Variants in SULF2 observed in about 807,000 individuals in gnomAD.
SULF2 encodes the protein extracellular sulfatase Sulf-2.
SULF2 carries 52 observed loss-of-function variants against 107.7 expected under a neutral mutation model. The ratio of observed to expected loss-of-function variants is 0.48; its 90% CI spans 0.39 to 0.61. The LOEUF is 0.61. Among genes scored for constraint, SULF2 ranks in the 20% least tolerant of loss-of-function variants. SULF2 has a pLI of 0.00. For synonymous variants in SULF2, 460 were observed against 464.3 expected (o/e 0.99, Z 0.12); for missense variants, 993 against 1,177.3 (o/e 0.84, Z 2.29).
intron 17 of SULF2, 116 bp from the exon 18 acceptor site, chr20:47,662,012 G>T: frequency 8.7e-7 from 1 of 1,145,184 alleles, no homozygotes; most frequent in Non-Finnish European, 1.1e-6. Context: ...GCTAGGGGCT[G>T]GTGACCTGTT....
chr20:47,663,959 G>A (rs1307741953), intron 15 of SULF2, among the ~76,000 whole-genome samples, 171 bp downstream of exon 15: 2 of 152,174 alleles, frequency 1.3e-5, no homozygotes, highest in Non-Finnish European at 2.9e-5. Flanking sequence ...AGGGGGCGTC[G>A]GAGGCCCGCT....
intron 3 of SULF2, among the ~76,000 whole-genome samples, chr20:47,725,827 CCGG>C (rs2089426875): frequency 6.6e-6 from 1 of 152,218 alleles, no homozygotes. Context: ...AGCCCCGCTC[CCGG>C]CCTCGGTGTA....
intron 1 of SULF2, among the ~76,000 whole-genome samples, chr20:47,763,607 A>G (rs1431547729): frequency 6.6e-6 from 1 of 152,182 alleles, no homozygotes; most frequent in African/African-American, 2.4e-5. Flanking sequence ...GTGTGCAGAT[A>G]CGTCCCACGG....
chr20:47,771,248 C>T (rs1203982603), intron 1 of SULF2, among the ~76,000 whole-genome samples: 1 of 152,124 alleles, frequency 6.6e-6, no homozygotes, highest in Non-Finnish European at 1.5e-5. Context: ...TCTTCCTTCT[C>T]ACATGACCCA....
At chr20:47,763,830 A>G (rs2090469090) in intron 1 of SULF2, among the ~76,000 whole-genome samples, 2 of 152,206 alleles carry the variant, frequency 1.3e-5, no homozygotes, top group African/African-American at 4.8e-5. Context: ...TCAAGCAGCC[A>G]GACAGATCCT....
chr20:47,745,397 AAAAAAAAAAAAAAATAT>A (rs1226657178), intron 2 of SULF2, among the ~76,000 whole-genome samples: 27 of 33,808 alleles, frequency 8.0e-4, no homozygotes, highest in Non-Finnish European at 1.1e-3. Context: ...AAAAAAAAAA[AAAAAAAAAAAAAAATAT>A]ATATATATAT....
intron 7 of SULF2, among the ~76,000 whole-genome samples, chr20:47,679,755 A>G (rs1474944288): frequency 1.3e-5 from 2 of 152,122 alleles, no homozygotes; most frequent in Non-Finnish European, 2.9e-5. Flanking sequence ...TGACCCTCAG[A>G]CACTGTGAGT....
At chr20:47,768,049 C>T (rs1016565800) in intron 1 of SULF2, among the ~76,000 whole-genome samples, 9 of 152,228 alleles carry the variant, frequency 5.9e-5, no homozygotes, top group African/African-American at 1.9e-4. Flanking sequence ...CCACCCCTTG[C>T]CTCAGTGACG....
chr20:47,715,884 C>T (rs764480332), intron 3 of SULF2, among the ~76,000 whole-genome samples: 10 of 152,270 alleles, frequency 6.6e-5, no homozygotes, highest in Middle Eastern at 3.4e-3. Context: ...TGGCTGAGAA[C>T]GTAGATTTGT....
chr20:47,721,150 A>G (rs1192957792), intron 3 of SULF2, among the ~76,000 whole-genome samples: 1 of 152,176 alleles, frequency 6.6e-6, no homozygotes, highest in African/African-American at 2.4e-5. Flanking sequence ...GCTTTTGAAA[A>G]AAAAAATACC....
At chr20:47,705,582 T>C (rs2088706439) in intron 3 of SULF2, among the ~76,000 whole-genome samples, 1 of 152,206 alleles carries the variant, frequency 6.6e-6, no homozygotes, top group Non-Finnish European at 1.5e-5. Flanking sequence ...GCAGTGGCTC[T>C]TGGCCAGAAA....
chr20:47,707,630 C>G (rs1444923843), intron 3 of SULF2, among the ~76,000 whole-genome samples: 1 of 152,080 alleles, frequency 6.6e-6, no homozygotes, highest in Non-Finnish European at 1.5e-5. Flanking sequence ...ATATGCGGAC[C>G]CCCCCAGCAC....
intron 3 of SULF2, among the ~76,000 whole-genome samples, chr20:47,707,336 C>T (rs1211265695): frequency 6.6e-6 from 1 of 152,068 alleles, no homozygotes; most frequent in Admixed American, 6.6e-5. Context: ...CCCCGTGCCC[C>T]ACTTCGCCCT....
chr20:47,664,070 A>G, intron 15 of SULF2, 60 bp downstream of exon 15: 1 of 1,558,096 alleles, frequency 6.4e-7, no homozygotes, highest in East Asian at 2.2e-5. Flanking sequence ...AGCTTAAGGG[A>G]GGGCCACCTC....
chr20:47,670,532 C>T (rs990473908), intron 11 of SULF2, among the ~76,000 whole-genome samples: 1 of 149,346 alleles, frequency 6.7e-6, no homozygotes, highest in Admixed American at 6.7e-5. Flanking sequence ...TGGATGAACC[C>T]GGAGAACATT....
rs768148035 is a variant in SULF2, at chr20:47,766,170, G to A, written c.-100-8707C>T. Among the ~76,000 whole-genome samples the A allele has an allele frequency of 9.9e-5, 15 of 152,280 alleles. No homozygotes were observed. The South Asian group carries it at 1.0e-3, about 11-fold the overall frequency. On this transcript the variant is annotated intron_variant, in intron 1 of 20. Transcript: ENST00000688720. ...GCTGTCTAGACAGGGGATGACACAC[G>A]CACATCTGTTAAACTTTACACTCCC...
chr20:47,737,487 CCTT>C lies in SULF2; in HGVS notation c.176-548_176-546del, dbSNP rs370220186. 6.2e-4 allele frequency among the ~76,000 whole-genome samples: 94 copies of C among 152,272 alleles called. 1 individual carries two copies. In the South Asian group the frequency reaches 0.018, roughly 30 times the overall value. On this transcript the variant is annotated intron_variant, in intron 2 of 20. Coordinates refer to ENST00000688720, the MANE Select transcript of SULF2 (RefSeq NM_001387048.1). ...CTGGTCATGCCAACCTGGTGGCAAA[CCTT>C]CTCCCTGAGTATTCCCTGGCTGAGG...
At chr20:47,700,597 C>T (rs545903010) in intron 4 of SULF2, among the ~76,000 whole-genome samples, 10 of 150,832 alleles carry the variant, frequency 6.6e-5, no homozygotes, top group African/African-American at 2.4e-4. Context: ...GGATGCAGGG[C>T]AACTCCCATT....
At chr20:47,747,199 C>T (rs1018790742) in intron 2 of SULF2, among the ~76,000 whole-genome samples, 2 of 151,910 alleles carry the variant, frequency 1.3e-5, no homozygotes, top group African/African-American at 2.4e-5. Context: ...GTGAACCATT[C>T]CTGACTCTTG....
Sources: allele counts gnomAD v4.1 joint callset (sites outside exome capture counted in the v4.1 genomes callset), GRCh38; gene constraint gnomAD v4.1.1; transcripts MANE v1.5; gene names NCBI Gene and HGNC (gene_info 2026-07-23, HGNC 2026-07-21).